GALNT17: variants seen among roughly 807,000 people sequenced by gnomAD.
GALNT17 encodes the protein polypeptide N-acetylgalactosaminyltransferase 17.
A neutral mutation model predicts 63.7 loss-of-function variants in GALNT17; 29 were observed. The ratio of observed to expected loss-of-function variants is 0.46; its 90% confidence interval spans 0.34 to 0.62. GALNT17 has a LOEUF of 0.62. Among genes scored for constraint, GALNT17 ranks in the 20% least tolerant of loss-of-function variants. The pLI, the probability that GALNT17 is intolerant of heterozygous loss-of-function variation, is 0.01. For synonymous variants in GALNT17, 305 were observed against 318.3 expected (o/e 0.96, Z 0.45); for missense variants, 603 against 799.6 (o/e 0.75, Z 2.97).
chr7:71,330,810 A>G (rs893923017), intron 1 of GALNT17, among the ~76,000 whole-genome samples: 18 of 152,208 alleles, frequency 1.2e-4, no homozygotes, highest in African/African-American at 4.3e-4. Context: ...AGCAGAAAAG[A>G]AAAAAGTTTC....
At chr7:71,397,874 A>G (rs1793166394) in intron 3 of GALNT17, among the ~76,000 whole-genome samples, 1 of 152,202 alleles carries the variant, frequency 6.6e-6, no homozygotes, top group Middle Eastern at 3.2e-3. Context: ...TTCTAGGTGA[A>G]TGATGGTGTC....
chr7:71,431,311 A>G (rs892058273), intron 5 of GALNT17, among the ~76,000 whole-genome samples: 2 of 148,988 alleles, frequency 1.3e-5, no homozygotes, highest in South Asian at 2.1e-4. Flanking sequence ...CCCGGGTTCA[A>G]GTGATTCTCC....
At chr7:71,358,803 C>T (rs1490030283) in intron 2 of GALNT17, among the ~76,000 whole-genome samples, 12 of 150,196 alleles carry the variant, frequency 8.0e-5, no homozygotes, top group African/African-American at 2.7e-4. Flanking sequence ...GACGTGGTTT[C>T]GCTCTTGTTG....
At chr7:71,464,265 G>A (rs1024131594) in intron 5 of GALNT17, among the ~76,000 whole-genome samples, 3 of 152,108 alleles carry the variant, frequency 2.0e-5, no homozygotes, top group African/African-American at 7.2e-5. Flanking sequence ...ACTTGATCAG[G>A]TATCAAATTA....
At chr7:71,706,353 C>T (rs1285152122) in intron 9 of GALNT17, among the ~76,000 whole-genome samples, 1 of 152,188 alleles carries the variant, frequency 6.6e-6, no homozygotes, top group African/African-American at 2.4e-5. Context: ...CACTCCCTAA[C>T]AGACCTCAGA....
At chr7:71,526,078 T>G (rs370096161) in intron 5 of GALNT17, among the ~76,000 whole-genome samples, 1 of 152,114 alleles carries the variant, frequency 6.6e-6, no homozygotes, top group Non-Finnish European at 1.5e-5. Flanking sequence ...AACAGACCAA[T>G]GCACACACCT....
At chr7:71,666,240 C>G (rs1195021934) in intron 7 of GALNT17, among the ~76,000 whole-genome samples, 4 of 151,840 alleles carry the variant, frequency 2.6e-5, no homozygotes, top group African/African-American at 9.7e-5. Flanking sequence ...TAGCAAAACT[C>G]ACAGATGCTC....
At chr7:71,382,295 G>A (rs1485015638) in intron 2 of GALNT17, among the ~76,000 whole-genome samples, 3 of 152,014 alleles carry the variant, frequency 2.0e-5, no homozygotes, top group African/African-American at 7.3e-5. Context: ...CAGAAGAATC[G>A]CTTGAACCCA....
chr7:71,262,879 C>T (rs573565496), intron 1 of GALNT17, among the ~76,000 whole-genome samples: 1 of 151,488 alleles, frequency 6.6e-6, no homozygotes, highest in East Asian at 2.0e-4. Context: ...TAGGGTTTCA[C>T]TTTGTTGCCC....
intron 9 of GALNT17, among the ~76,000 whole-genome samples, chr7:71,690,094 G>T (rs1339466713): frequency 6.7e-6 from 1 of 149,618 alleles, no homozygotes; most frequent in Non-Finnish European, 1.5e-5. Context: ...GCGCAATCTC[G>T]GCTCACTGCA....
intron 5 of GALNT17, among the ~76,000 whole-genome samples, chr7:71,506,262 ATTTTAT>A (rs144735012): frequency 0.15 from 22,842 of 151,528 alleles, 2,622 homozygotes; most frequent in African/African-American, 0.32. Context: ...ATTTTATTTT[ATTTTAT>A]TTTATTTATT....
chr7:71,383,560 T>C (rs1390065124), intron 2 of GALNT17, among the ~76,000 whole-genome samples: 1 of 152,088 alleles, frequency 6.6e-6, no homozygotes, highest in Non-Finnish European at 1.5e-5. Flanking sequence ...CACCTCAGGC[T>C]CCTGAGTGGC....
intron 8 of GALNT17, among the ~76,000 whole-genome samples, chr7:71,674,708 G>T (rs2117062477): frequency 6.6e-6 from 1 of 152,076 alleles, no homozygotes; most frequent in East Asian, 1.9e-4. Context: ...GTGAAGGTGG[G>T]GTCTCACTAT....
intron 2 of GALNT17, among the ~76,000 whole-genome samples, chr7:71,386,635 A>G (rs547094286): frequency 6.6e-6 from 1 of 152,268 alleles, no homozygotes; most frequent in South Asian, 2.1e-4. Flanking sequence ...CCAAAGCTCT[A>G]TGCTCTGGAG....
intron 1 of GALNT17, among the ~76,000 whole-genome samples, chr7:71,209,828 G>C (rs1413945915): frequency 6.6e-6 from 1 of 152,168 alleles, no homozygotes; most frequent in Non-Finnish European, 1.5e-5. Context: ...GGAGGCAAAA[G>C]GCACTTCTTA....
chr7:71,490,120 G>A (rs117036967), intron 5 of GALNT17, among the ~76,000 whole-genome samples: 5,838 of 152,110 alleles, frequency 0.038, 138 homozygotes, highest in South Asian at 0.12. Context: ...TTAGCTGGGC[G>A]TGGTGGCGGC....
chr7:71,319,363 A>G (rs1270945700), intron 1 of GALNT17, among the ~76,000 whole-genome samples: 1 of 152,036 alleles, frequency 6.6e-6, no homozygotes, highest in Non-Finnish European at 1.5e-5. Flanking sequence ...CTTGGAATCT[A>G]CCATTTCCAG....
intron 2 of GALNT17, among the ~76,000 whole-genome samples, chr7:71,353,277 C>T (rs566945353): frequency 1.3e-5 from 2 of 151,802 alleles, no homozygotes; most frequent in Non-Finnish European, 2.9e-5. Flanking sequence ...CTATTTTTTT[C>T]TGAATCATTT....
intron 1 of GALNT17, among the ~76,000 whole-genome samples, chr7:71,220,629 T>C (rs750396299): frequency 6.6e-6 from 1 of 152,094 alleles, no homozygotes; most frequent in Non-Finnish European, 1.5e-5. Context: ...TACTTGGAGA[T>C]AGGGCTTTGA....
Sources: gnomAD v4.1 joint callset for allele counts (sites outside exome capture counted in the v4.1 genomes callset) on GRCh38, gnomAD v4.1.1 for gene constraint, MANE v1.5 for transcripts, NCBI Gene and HGNC (gene_info 2026-07-23, HGNC 2026-07-21) for gene names.